The following COL4A5 variants were observed in gnomAD, a reference collection of about 807,000 sequenced individuals.
The protein encoded by COL4A5 is collagen alpha-5(IV) chain.
Under a neutral mutation model 130.2 loss-of-function variants are expected in COL4A5, and 26 were observed. The observed-to-expected ratio is 0.20, with a 90% CI of 0.15 to 0.28. The LOEUF is 0.28. Ranked by LOEUF, COL4A5 falls within the 10% of genes least tolerant of loss-of-function variation. The probability of loss-of-function intolerance (pLI) is 1.00; values close to 1 mark genes in which losing one functional copy is unlikely to be tolerated. For synonymous variants in COL4A5, 496 were observed against 439.6 expected (o/e 1.13, Z -1.60); for missense variants, 1,131 against 1,344.3 (o/e 0.84, Z 2.48).
intron 36 of COL4A5, among the ~76,000 whole-genome samples, chrX:108,643,380 T>C (rs2067508990): frequency 9.0e-6 from 1 of 111,676 alleles, no homozygotes; most frequent in African/African-American, 3.3e-5. Flanking sequence ...GGGAAATTCA[T>C]CACAAATCGA....
rs931636190 is a variant in COL4A5, at chrX:108,532,269, C to T, written c.82-7477C>T. ...CCATTGGGATTGAAGGCAAGGAAGG[C>T]ACAACCTTTGCAAATCAATAAATGT... On this transcript the variant is annotated intron_variant, in intron 1 of 52. Coordinates refer to ENST00000328300, the MANE Select transcript of COL4A5 (RefSeq NM_033380.3). 2.7e-5 allele frequency among the ~76,000 whole-genome samples: 3 copies of T among 111,626 alleles called. No homozygotes were observed. In the South Asian group the frequency reaches 1.1e-3, roughly 42 times the overall value.
At chrX:108,551,171 G>A (rs1175570146) in intron 2 of COL4A5, among the ~76,000 whole-genome samples, 1 of 111,796 alleles carries the variant, frequency 8.9e-6, no homozygotes, top group Admixed American at 9.5e-5. Flanking sequence ...AAGAGCTTCT[G>A]TATAGCAAAA....
In COL4A5 at chrX:108,569,069, A is replaced by G. The variant is rs2066019493; in HGVS notation, c.384+248A>G. On this transcript the variant is annotated intron_variant, in intron 6 of 52. Transcript: ENST00000328300. ...TACCAAACCCTTTTTTGACTTTAGCATAAAGTAGGATGAGAATTAAAACGA... is the reference window on the plus strand; with the variant it reads ...TACCAAACCCTTTTTTGACTTTAGCGTAAAGTAGGATGAGAATTAAAACGA... The G allele has an allele frequency of 1.2e-5, 4 of 330,650 alleles. No individual in the cohort carries two copies. The South Asian group carries it at 2.4e-4, about 20-fold the overall frequency. 27.2% of individuals were successfully genotyped at this position (330,650 alleles called of 1,213,427 possible). A position where few individuals can be genotyped will look rare whatever the true frequency, so the allele number is the denominator to read the frequency against.
chrX:108,690,009 C>T lies in COL4A5; in HGVS notation c.4528+2315C>T, dbSNP rs113433262. ...ATGGGCCTTCCTTTTATTTACCTTT[C>T]TTTTCCTTACGAGACTGGATATTTT... On this transcript the variant is annotated intron_variant, in intron 49 of 52. Coordinates refer to ENST00000328300, the MANE Select transcript of COL4A5 (RefSeq NM_033380.3). 1.0e-4 allele frequency: 78 copies of T among 751,637 alleles called. No homozygotes were observed. The African/African-American group carries it at 1.7e-3, about 16-fold the overall frequency. The allele number at this position is 751,637 out of a possible 1,213,427, so 61.9% of individuals were successfully genotyped here.
intron 39 of COL4A5, among the ~76,000 whole-genome samples, chrX:108,666,823 A>G (rs1252170963): frequency 9.0e-6 from 1 of 111,658 alleles, no homozygotes; most frequent in East Asian, 2.8e-4. Flanking sequence ...CTAATTTTTT[A>G]TATCAAAAAG....
intron 43 of COL4A5, among the ~76,000 whole-genome samples, chrX:108,676,358 C>A (rs748203591): frequency 2.0e-4 from 22 of 111,506 alleles, no homozygotes; most frequent in African/African-American, 6.5e-4. Flanking sequence ...ATTACTTAGT[C>A]TCAGCCTCAG....
intron 9 of COL4A5, among the ~76,000 whole-genome samples, chrX:108,574,420 T>A (rs1192486420): frequency 8.9e-6 from 1 of 111,837 alleles, no homozygotes; most frequent in Non-Finnish European, 1.9e-5. Flanking sequence ...AATATATGTA[T>A]GTTATGAAGC....
chrX:108,456,347 C>G, intron 1 of COL4A5, among the ~76,000 whole-genome samples: 1 of 111,558 alleles, frequency 9.0e-6, no homozygotes, highest in East Asian at 2.8e-4. Flanking sequence ...TAAAATTCAC[C>G]CACTTTATGC....
At chrX:108,614,221 C>T (rs745675736) in intron 29 of COL4A5, among the ~76,000 whole-genome samples, 1 of 112,021 alleles carries the variant, frequency 8.9e-6, no homozygotes, top group South Asian at 3.7e-4. Context: ...AAAGAAAAAT[C>T]TGTAAGACAT....
At chrX:108,677,461 A>C in intron 43 of COL4A5, 39 bp from the exon 44 acceptor site, 1 of 1,190,071 alleles carries the variant, frequency 8.4e-7, no homozygotes. Context: ...TACTCTTAAC[A>C]CTATACTGAA....
At chrX:108,471,538 T>C (rs1180410825) in intron 1 of COL4A5, among the ~76,000 whole-genome samples, 3 of 111,766 alleles carry the variant, frequency 2.7e-5, no homozygotes, top group Non-Finnish European at 5.6e-5. Context: ...AGGAGCCTTT[T>C]GGTGGAGTCA....
chrX:108,518,686 G>A (rs1006435706), intron 1 of COL4A5, among the ~76,000 whole-genome samples: 41 of 111,035 alleles, frequency 3.7e-4, no homozygotes, highest in African/African-American at 1.3e-3. Flanking sequence ...TTAAATCAAG[G>A]AAAATCATTA....
At chrX:108,569,382 G>C (rs2066023686) in intron 6 of COL4A5, among the ~76,000 whole-genome samples, 1 of 111,474 alleles carries the variant, frequency 9.0e-6, no homozygotes, top group Non-Finnish European at 1.9e-5. Flanking sequence ...CCTAACTTTA[G>C]ATATAGCAAA....
Position 108,677,614 on chromosome X carries a change from A to G in COL4A5, c.3923A>G (p.Gln1308Arg), listed in dbSNP as rs104886399. ...LPGLPGLKGDQGPPGLQGNPG... is the reference protein window; with the variant it reads ...LPGLPGLKGDRGPPGLQGNPG... ...GGCTTGCCTGGTTTGAAAGGAGATCAAGGACCACCAGGACTCCAGGTAGGA... is the reference window on the plus strand; with the variant it reads ...GGCTTGCCTGGTTTGAAAGGAGATCGAGGACCACCAGGACTCCAGGTAGGA... Residue 1308 changes from glutamine to arginine, a missense_variant, in exon 44 of 53, where the codon CAA (glutamine) becomes CGA (arginine). Transcript: ENST00000328300. 30 of 1,209,134 alleles carry G rather than the reference A, an allele frequency of 2.5e-5. No homozygotes were observed. Among genetic ancestry groups the G allele is most frequent in the Middle Eastern group, 2.3e-4 (1 of 4,342 alleles).
chrX:108,610,793 G>T (rs190120454), intron 29 of COL4A5, among the ~76,000 whole-genome samples: 3 of 111,430 alleles, frequency 2.7e-5, no homozygotes, highest in African/African-American at 9.7e-5. Context: ...TTCTTTAGGT[G>T]CTAGAAAAAT....
chrX:108,671,125 A>G (rs947341277), intron 42 of COL4A5, among the ~76,000 whole-genome samples: 2 of 111,645 alleles, frequency 1.8e-5, no homozygotes, highest in East Asian at 5.6e-4. Context: ...CACACCAAAG[A>G]ACAATTACCA....
chrX:108,440,271 TGG>T (rs59044748), intron 1 of COL4A5, 65 bp downstream of exon 1: 12 of 632,584 alleles, frequency 1.9e-5, no homozygotes, highest in Non-Finnish European at 2.7e-5. Flanking sequence ...ACCTTTTTTT[TGG>T]GGGGGGGGTC....
intron 36 of COL4A5, among the ~76,000 whole-genome samples, chrX:108,640,689 T>C (rs1028534702): frequency 8.1e-5 from 9 of 111,540 alleles, no homozygotes; most frequent in Admixed American, 2.9e-4. Context: ...AAAGTGTGAA[T>C]GTTGTTTATG....
intron 1 of COL4A5, among the ~76,000 whole-genome samples, chrX:108,470,547 T>G (rs1196089783): frequency 8.9e-6 from 1 of 111,909 alleles, no homozygotes; most frequent in Non-Finnish European, 1.9e-5. Context: ...GATACTATAC[T>G]TTTGTTAGAT....
Sources: allele counts gnomAD v4.1 joint callset (sites outside exome capture counted in the v4.1 genomes callset), GRCh38; gene constraint gnomAD v4.1.1; transcripts MANE v1.5; gene names NCBI Gene and HGNC (gene_info 2026-07-23, HGNC 2026-07-21).